The following ITK variants were observed in gnomAD, a reference collection of about 807,000 sequenced individuals.
ITK encodes tyrosine-protein kinase ITK/TSK.
A neutral mutation model predicts 87.6 loss-of-function variants in ITK; 45 were observed. The ratio of observed to expected loss-of-function variants is 0.51; its 90% CI spans 0.40 to 0.66. The LOEUF (loss-of-function observed/expected upper bound fraction) is 0.66. Among genes scored for constraint, ITK ranks in the 30% least tolerant of loss-of-function variants. The pLI is 0.00. For missense variants in ITK, 605 were observed against 766.3 expected, an observed-to-expected ratio of 0.79 and a Z score of 2.48; for synonymous variants, 303 against 273.6, an observed-to-expected ratio of 1.11 and a Z score of -1.06.
At chr5:157,213,592 G>A in intron 3 of ITK, 2 of 453,626 alleles carry the variant, frequency 4.4e-6, no homozygotes, top group South Asian at 1.6e-5. Flanking sequence ...ATGTTGCCTA[G>A]GCTAATCTAG....
At chr5:157,205,977 T>C (rs1027828448) in intron 1 of ITK, among the ~76,000 whole-genome samples, 2 of 64,178 alleles carry the variant, frequency 3.1e-5, no homozygotes, top group Non-Finnish European at 5.8e-5. Context: ...GGATTAGCCT[T>C]TTTTTTTTTT....
chr5:157,238,797 G>A (rs1754827793), intron 9 of ITK, among the ~76,000 whole-genome samples: 1 of 152,156 alleles, frequency 6.6e-6, no homozygotes, highest in Non-Finnish European at 1.5e-5. Context: ...CTCTGTACCT[G>A]TTTCTTCTCT....
rs747670211 is a variant in ITK, at chr5:157,255,160, C to A, written c.*2482C>A. 1 of 183,076 alleles carries A rather than the reference C, an allele frequency of 5.5e-6. No individual in the cohort carries two copies. Among genetic ancestry groups the A allele is most frequent in the Non-Finnish European group, 1.2e-5 (1 of 86,114 alleles). The allele number at this position is 183,076 out of a possible 1,614,324, so 11.3% of individuals were successfully genotyped here. On this transcript the variant is annotated 3_prime_UTR_variant, in exon 17 of 17. Transcript: ENST00000422843. ...GTTGAATATAGCAATATTAAAGCTG[C>A]ATTTTAATAAATATGGTGCATAGGG... is the stretch of plus-strand genomic sequence containing the variant.
intron 1 of ITK, among the ~76,000 whole-genome samples, chr5:157,207,473 C>A (rs1042046771): frequency 6.9e-6 from 1 of 144,844 alleles, no homozygotes; most frequent in Non-Finnish European, 1.5e-5. Context: ...CTCCGCCTCC[C>A]GGATTCACGC....
intron 10 of ITK, chr5:157,241,388 A>G: frequency 4.8e-6 from 1 of 208,476 alleles, no homozygotes; most frequent in Non-Finnish European, 9.4e-6. Flanking sequence ...GAAAAATATG[A>G]CAAATATTTA....
intron 1 of ITK, among the ~76,000 whole-genome samples, chr5:157,191,750 C>T (rs1329120981): frequency 2.0e-5 from 3 of 151,838 alleles, no homozygotes; most frequent in South Asian, 2.1e-4. Flanking sequence ...ATTTTATATA[C>T]GTGGAGGAAT....
intron 1 of ITK, among the ~76,000 whole-genome samples, chr5:157,196,267 G>T (rs1018567378): frequency 2.6e-5 from 4 of 152,130 alleles, no homozygotes; most frequent in Non-Finnish European, 4.4e-5. Flanking sequence ...TACAGAAGTT[G>T]TACCAGTGAA....
chr5:157,189,399 C>T (rs152119), intron 1 of ITK, among the ~76,000 whole-genome samples: 1 of 152,040 alleles, frequency 6.6e-6, no homozygotes, highest in African/African-American at 2.4e-5. Context: ...TCAGTTTCAG[C>T]CTGGGCACAG....
chr5:157,192,530 G>A (rs372224537), intron 1 of ITK, among the ~76,000 whole-genome samples: 5 of 152,178 alleles, frequency 3.3e-5, no homozygotes, highest in South Asian at 2.1e-4. Context: ...ATTTGGACCC[G>A]GGTCACCGGG....
chr5:157,204,733 G>A (rs1203467945), intron 1 of ITK, among the ~76,000 whole-genome samples: 1 of 151,970 alleles, frequency 6.6e-6, no homozygotes, highest in Admixed American at 6.6e-5. Context: ...AAAGATCTGG[G>A]ATTACAGGCA....
At chr5:157,245,223 TAAAAAAA>T (rs139283977) in intron 13 of ITK, 59 of 161,764 alleles carry the variant, frequency 3.6e-4, no homozygotes, top group South Asian at 1.9e-3. Context: ...AGACTCCATC[TAAAAAAA>T]AAAAAAAAAA....
chr5:157,210,067 G>A (rs1443440999), intron 2 of ITK, among the ~76,000 whole-genome samples: 3 of 151,926 alleles, frequency 2.0e-5, no homozygotes, highest in Non-Finnish European at 4.4e-5. Context: ...CTGGGACTAC[G>A]GGCGTGTGCC....
intron 1 of ITK, among the ~76,000 whole-genome samples, chr5:157,190,097 T>C (rs982793660): frequency 6.6e-6 from 1 of 152,238 alleles, no homozygotes; most frequent in Non-Finnish European, 1.5e-5. Context: ...AAAAGTTTTC[T>C]GTATTTTAAT....
intron 7 of ITK, among the ~76,000 whole-genome samples, chr5:157,231,039 C>T (rs1261478892): frequency 2.0e-5 from 3 of 152,048 alleles, no homozygotes; most frequent in South Asian, 2.1e-4. Flanking sequence ...ACTTTTTATT[C>T]GTGAACTTAG....
At chr5:157,236,367 T>G (rs1277636690) in intron 8 of ITK, among the ~76,000 whole-genome samples, 1 of 139,098 alleles carries the variant, frequency 7.2e-6, no homozygotes, top group Non-Finnish European at 1.5e-5. Flanking sequence ...AGAATGAGAC[T>G]CCATCTTAAA....
At chr5:157,210,241 T>C (rs1299511979) in intron 2 of ITK, among the ~76,000 whole-genome samples, 9 of 152,134 alleles carry the variant, frequency 5.9e-5, no homozygotes, top group Non-Finnish European at 1.5e-5. Flanking sequence ...TATATGAATC[T>C]TGGCACTTCT....
rs1438827445 is a variant in ITK, at chr5:157,252,964, A to T, written c.*286A>T. On this transcript the variant is annotated 3_prime_UTR_variant, in exon 17 of 17. Transcript: ENST00000422843. ...CATGTGGTGCACAAACCTCAACCTG[A>T]CAGCTTTCAGACAGCATTCTTGCAC... 2.0e-6 allele frequency: 1 copy of T among 494,238 alleles called. No individual in the cohort carries two copies. The highest frequency in any genetic ancestry group is 1.9e-5 in the African/African-American group (1 of 52,200). 30.6% of individuals were successfully genotyped at this position (494,238 alleles called of 1,614,324 possible). A position where few individuals can be genotyped will look rare whatever the true frequency, so the allele number is the denominator to read the frequency against.
At chr5:157,225,820 G>A (rs530581099) in intron 6 of ITK, among the ~76,000 whole-genome samples, 40 of 152,188 alleles carry the variant, frequency 2.6e-4, no homozygotes, top group Non-Finnish European at 4.6e-4. Context: ...TACAAACACC[G>A]AAGGGACCTA....
Position 157,242,637 on chromosome 5 carries a change from T to C in ITK, c.1060+917T>C, listed in dbSNP as rs1294767999. Among the ~76,000 whole-genome samples, 10 of 152,084 alleles carry C rather than the reference T, an allele frequency of 6.6e-5. No homozygotes were observed. The East Asian group carries it at 1.7e-3, about 26-fold the overall frequency. ...ATGCCTGGCTAATTTTTAAAAATTT[T>C]TTGTAGAGACAGGGTCTCACTATGT... On this transcript the variant is annotated intron_variant, in intron 11 of 16. Transcript: ENST00000422843.
Sources: gnomAD v4.1 joint callset for allele counts (sites outside exome capture counted in the v4.1 genomes callset) on GRCh38, gnomAD v4.1.1 for gene constraint, MANE v1.5 for transcripts, NCBI Gene and HGNC (gene_info 2026-07-23, HGNC 2026-07-21) for gene names.